Variants in NLRP5 observed in about 807,000 individuals in gnomAD.
NLRP5 encodes the protein NLR family pyrin domain containing 5, also known as NACHT, LRR and PYD domains-containing protein 5.
In NLRP5, 93 loss-of-function variants were observed where a neutral mutation model predicts 113.1. The ratio of observed to expected loss-of-function variants is 0.82; its 90% CI spans 0.70 to 0.98. NLRP5 has a LOEUF of 0.98. Among genes scored for constraint, NLRP5 ranks in the 50% least tolerant of loss-of-function variants. The probability of loss-of-function intolerance (pLI) is 0.00; values close to 1 mark genes in which losing one functional copy is unlikely to be tolerated. For synonymous variants in NLRP5, 751 were observed against 600.7 expected, an observed-to-expected ratio of 1.25 and a Z score of -3.66; for missense variants, 1,808 against 1,514.3, an observed-to-expected ratio of 1.19 and a Z score of -3.22.
intron 13 of NLRP5, among the ~76,000 whole-genome samples, chr19:56,055,141 A>C (rs1984084495): frequency 6.6e-6 from 1 of 151,654 alleles, no homozygotes; most frequent in South Asian, 2.1e-4. Context: ...GGTGCCTGCC[A>C]CCATGCCCGG....
upstream of NLRP5, among the ~76,000 whole-genome samples, chr19:55,995,198 G>A (rs1981286945): frequency 6.6e-6 from 1 of 152,102 alleles, no homozygotes; most frequent in African/African-American, 2.4e-5. Flanking sequence ...ATCACACACT[G>A]GGGCCTGTCC....
In NLRP5 at chr19:56,041,022, C is replaced by T. The variant is rs1421895897; in HGVS notation, c.2887C>T (p.Leu963=). The change falls in exon 11 of 15, where the codon CTG becomes TTG. Residue 963 remains leucine (L), a synonymous_variant. Coordinates refer to ENST00000390649, the MANE Select transcript of NLRP5 (RefSeq NM_153447.4). ...ACACCTGTGCCTATCCAACAACAGC[C>T]TGGGGAACGAAGGTGTAAATCTACT... is the stretch of plus-strand genomic sequence containing the variant. The T allele has an allele frequency of 1.2e-6, 2 of 1,613,884 alleles. No individual in the cohort carries two copies. The highest frequency in any genetic ancestry group is 2.2e-5 in the East Asian group (1 of 44,892).
intron 2 of NLRP5, among the ~76,000 whole-genome samples, chr19:56,005,881 G>A (rs1443645291): frequency 6.6e-6 from 1 of 152,146 alleles, no homozygotes; most frequent in African/African-American, 2.4e-5. Context: ...CCAGTGAAAT[G>A]GGTTCCCTAT....
intron 10 of NLRP5, among the ~76,000 whole-genome samples, chr19:56,039,924 C>T (rs1263390925): frequency 1.3e-5 from 2 of 151,700 alleles, no homozygotes; most frequent in African/African-American, 2.4e-5. Flanking sequence ...CAAAAGCAGA[C>T]AGAGTATCTA....
intron 11 of NLRP5, among the ~76,000 whole-genome samples, chr19:56,041,774 C>A (rs1366077636): frequency 6.6e-6 from 1 of 152,062 alleles, no homozygotes; most frequent in Non-Finnish European, 1.5e-5. Flanking sequence ...ATGGTGAAAT[C>A]CCATCTCTAC....
intron 7 of NLRP5, among the ~76,000 whole-genome samples, chr19:56,032,196 T>G (rs1983142451): frequency 6.6e-6 from 1 of 151,938 alleles, no homozygotes; most frequent in Non-Finnish European, 1.5e-5. Flanking sequence ...AATGCAAAAA[T>G]TAGCTGTGCA....
upstream of NLRP5, among the ~76,000 whole-genome samples, chr19:55,999,420 TAGCC>T (rs1437731850): frequency 6.6e-6 from 1 of 152,174 alleles, no homozygotes; most frequent in East Asian, 1.9e-4. Context: ...TTCACCATGT[TAGCC>T]AGGCTGGTCT....
Position 56,028,505 on chromosome 19 carries a change from C to G in NLRP5, c.2272C>G (p.Leu758Val). Reference sequence around the variant, plus strand: ...CGCTGAGGCATGTCCTGTGGTCCCTCTATGGTGAGTACCCCAGGCAGTTTT... The same window carrying G: ...CGCTGAGGCATGTCCTGTGGTCCCTGTATGGTGAGTACCCCAGGCAGTTTT... The change falls in exon 7 of 15, where the codon CTA becomes GTA. Residue 758 changes from leucine (L) to valine (V), a missense_variant. Transcript: ENST00000390649. 6.2e-7 allele frequency: 1 copy of G among 1,612,084 alleles called. No homozygotes were observed. Among genetic ancestry groups the G allele is most frequent in the Non-Finnish European group, 8.5e-7 (1 of 1,179,038 alleles).
chr19:56,002,205 T>G (rs1295521433), intron 1 of NLRP5, among the ~76,000 whole-genome samples: 3 of 152,214 alleles, frequency 2.0e-5, no homozygotes, highest in African/African-American at 2.4e-5. Flanking sequence ...TTGCATAGCT[T>G]CTTTGGAGAA....
At chr19:56,035,384 A>C (rs1193487853) in intron 9 of NLRP5, among the ~76,000 whole-genome samples, 3 of 152,218 alleles carry the variant, frequency 2.0e-5, no homozygotes, top group Non-Finnish European at 2.9e-5. Context: ...CCAAAGCATA[A>C]ATGTTGTCTC....
In NLRP5 at chr19:56,003,946, A is replaced by G. The variant is rs761024250; in HGVS notation, c.293A>G (p.Gln98Arg). Reference sequence around the variant, plus strand: ...GAATCGACCACATGCTCTATTCCACAGTTTGAAATCGAGAATGCCAACGTG... The same window carrying G: ...GAATCGACCACATGCTCTATTCCACGGTTTGAAATCGAGAATGCCAACGTG... The change falls in exon 2 of 15, where the codon CAG becomes CGG. Residue 98 changes from glutamine (Q) to arginine (R), a missense_variant. Transcript: ENST00000390649. 7 of 1,614,024 alleles carry G rather than the reference A, an allele frequency of 4.3e-6. No individual in the cohort carries two copies. The highest frequency in any genetic ancestry group is 1.7e-5 in the Admixed American group (1 of 60,020).
chr19:56,009,970 T>C (rs1435085303), intron 3 of NLRP5, among the ~76,000 whole-genome samples: 1 of 152,220 alleles, frequency 6.6e-6, no homozygotes, highest in African/African-American at 2.4e-5. Flanking sequence ...TGACATGTTA[T>C]CCTTCATGTG....
intron 11 of NLRP5, 132 bp from the exon 12 acceptor site, chr19:56,050,286 A>C (rs544542713): frequency 1.3e-6 from 1 of 787,218 alleles, no homozygotes; most frequent in East Asian, 2.8e-5. Flanking sequence ...CAAAAAAAAA[A>C]AAGAAAAAAA....
At chr19:56,006,947 G>T (rs139673914) in intron 2 of NLRP5, among the ~76,000 whole-genome samples, 29,230 of 150,808 alleles carry the variant, frequency 0.19, 3,226 homozygotes, top group Middle Eastern at 0.33. Context: ...CACCTTGTTA[G>T]CCAGGATGGT....
intron 5 of NLRP5, among the ~76,000 whole-genome samples, chr19:56,019,605 T>C (rs1262659589): frequency 6.6e-6 from 1 of 152,142 alleles, no homozygotes; most frequent in Non-Finnish European, 1.5e-5. Flanking sequence ...TACAGTCAGA[T>C]ACTATGAAGA....
intron 10 of NLRP5, among the ~76,000 whole-genome samples, chr19:56,038,827 T>G (rs1204161287): frequency 1.3e-5 from 2 of 152,170 alleles, no homozygotes; most frequent in African/African-American, 4.8e-5. Context: ...ACTTCTTTCC[T>G]TTTCCGTGTC....
At chr19:55,995,181 G>T (rs2123252695), upstream of NLRP5, among the ~76,000 whole-genome samples, 1 of 152,236 alleles carries the variant, frequency 6.6e-6, no homozygotes, top group Non-Finnish European at 1.5e-5. Context: ...GACACAGGGT[G>T]GGGAACATCA....
At chr19:56,013,408 T>G (rs1055089032) in intron 3 of NLRP5, among the ~76,000 whole-genome samples, 6 of 151,740 alleles carry the variant, frequency 4.0e-5, no homozygotes, top group South Asian at 2.1e-4. Context: ...TAGCCAAAAT[T>G]GTCTCGATAT....
Position 56,053,626 on chromosome 19 carries a change from C to T in NLRP5, c.3129-12C>T, listed in dbSNP as rs376029168. 6.5e-5 allele frequency: 104 copies of T among 1,609,450 alleles called. No homozygotes were observed. In the African/African-American group the frequency reaches 7.3e-4, roughly 11 times the overall value. The stretch of plus-strand genomic sequence containing the variant: ...AGAGAGGCAGACTCTCTCTATTCCC[C>T]GCCTCTTGCAGGTTGGTAAAGTGTC... On this transcript the variant is annotated splice_polypyrimidine_tract_variant and intron_variant, in intron 12 of 14. Coordinates refer to ENST00000390649, the MANE Select transcript of NLRP5 (RefSeq NM_153447.4).
Sources: gnomAD v4.1 joint callset for allele counts (sites outside exome capture counted in the v4.1 genomes callset) on GRCh38, gnomAD v4.1.1 for gene constraint, MANE v1.5 for transcripts, NCBI Gene and HGNC (gene_info 2026-07-23, HGNC 2026-07-21) for gene names.